The following CLDN14 variants were observed in gnomAD, a reference collection of about 807,000 sequenced individuals.
CLDN14 encodes the protein claudin-14.
CLDN14 carries 2 observed loss-of-function variants against 2.1 expected under a neutral mutation model. The observed-to-expected ratio is 0.96, with a 90% CI of 0.39 to 3.01. The LOEUF is 3.01. CLDN14 is among the 30% of genes most tolerant of loss of function. CLDN14 has a pLI of 0.09. For missense variants in CLDN14, 298 were observed against 328.0 expected (o/e 0.91, Z 0.71); for synonymous variants, 136 against 154.4 (o/e 0.88, Z 0.88).
chr21:36,485,735 G>T, intron 2 of CLDN14: 1 of 263,692 alleles, frequency 3.8e-6, no homozygotes, highest in Non-Finnish European at 7.2e-6. Flanking sequence ...AGACAGTAAA[G>T]GCAAACCAAG....
intron 1 of CLDN14, among the ~76,000 whole-genome samples, chr21:36,564,648 C>T (rs382937): frequency 0.75 from 114,187 of 152,092 alleles, 44,310 homozygotes; most frequent in Non-Finnish European, 0.87. Context: ...CCACCAAAGA[C>T]GCCCATGCCC....
intron 1 of CLDN14, among the ~76,000 whole-genome samples, chr21:36,467,612 T>C (rs906741942): frequency 6.7e-6 from 1 of 150,272 alleles, no homozygotes; most frequent in Non-Finnish European, 1.5e-5. Context: ...AAGGCGGTGG[T>C]GGGGGGTGTC....
At chr21:36,522,018 T>C (rs1192105705) in intron 1 of CLDN14, among the ~76,000 whole-genome samples, 2 of 152,204 alleles carry the variant, frequency 1.3e-5, no homozygotes, top group Non-Finnish European at 2.9e-5. Context: ...ATCAAGTTAT[T>C]ACCTGAAGTT....
chr21:36,507,370 G>T (rs781518491), intron 2 of CLDN14, among the ~76,000 whole-genome samples: 2 of 152,176 alleles, frequency 1.3e-5, no homozygotes, highest in Non-Finnish European at 2.9e-5. Context: ...AGGGATTGTG[G>T]CCATCACCAG....
chr21:36,508,703 G>A (rs59097582), intron 2 of CLDN14, among the ~76,000 whole-genome samples: 7,144 of 152,248 alleles, frequency 0.047, 565 homozygotes, highest in African/African-American at 0.16. Context: ...AGAAACCACC[G>A]AGGTTTCTGT....
chr21:36,473,192 T>A (rs1465347603), intron 1 of CLDN14, among the ~76,000 whole-genome samples: 1 of 152,146 alleles, frequency 6.6e-6, no homozygotes, highest in Non-Finnish European at 1.5e-5. Context: ...CAAGTGATCC[T>A]CCCACCTCAG....
intron 1 of CLDN14, among the ~76,000 whole-genome samples, chr21:36,524,905 G>A (rs2087311486): frequency 1.3e-5 from 2 of 152,196 alleles, no homozygotes; most frequent in Non-Finnish European, 2.9e-5. Context: ...GTGGATGCAA[G>A]GCATGGGTGC....
At chr21:36,533,975 G>A (rs2087403782) in intron 1 of CLDN14, among the ~76,000 whole-genome samples, 1 of 152,216 alleles carries the variant, frequency 6.6e-6, no homozygotes, top group South Asian at 2.1e-4. Context: ...ACCTGCACAT[G>A]TACCCCTGAA....
chr21:36,568,090 C>G (rs1313589353), intron 1 of CLDN14, among the ~76,000 whole-genome samples: 4 of 152,060 alleles, frequency 2.6e-5, no homozygotes, highest in Admixed American at 6.5e-5. Context: ...GGCCCTAGAG[C>G]TGAATATTAA....
At chr21:36,502,584 G>A (rs34241595) in intron 2 of CLDN14, among the ~76,000 whole-genome samples, 2 of 152,314 alleles carry the variant, frequency 1.3e-5, no homozygotes, top group East Asian at 3.9e-4. Flanking sequence ...CACTTCATCA[G>A]CATTCCTGAT....
At position 36,571,154 on chromosome 21, in the gene CLDN14, A is replaced by G. The variant is rs9975456; in HGVS notation, c.-220+5257T>C. On this transcript the variant is annotated intron_variant, in intron 1 of 2. Coordinates refer to the CLDN14 transcript ENST00000342108. ...CGTGCCCAGCCTGCATCTCCTTTTT[A>G]CCAAACATTCTAATGACACTGTGTA... Among the ~76,000 whole-genome samples, 283 of 152,234 alleles carry G rather than the reference A, an allele frequency of 1.9e-3. 1 individual carries two copies. The highest frequency in any genetic ancestry group is 6.1e-3 in the African/African-American group (253 of 41,556).
intron 1 of CLDN14, among the ~76,000 whole-genome samples, chr21:36,519,116 A>G (rs1348744380): frequency 6.6e-6 from 1 of 152,226 alleles, no homozygotes; most frequent in African/African-American, 2.4e-5. Flanking sequence ...GGAAGGGGTC[A>G]TCTACATTGG....
chr21:36,475,782 C>G (rs570518980), intron 1 of CLDN14, among the ~76,000 whole-genome samples: 4 of 152,162 alleles, frequency 2.6e-5, no homozygotes, highest in Non-Finnish European at 5.9e-5. Context: ...CAGAGTCTTG[C>G]TCTGTCACCC....
chr21:36,564,027 G>A (rs749015956), intron 1 of CLDN14, among the ~76,000 whole-genome samples: 4 of 152,176 alleles, frequency 2.6e-5, no homozygotes, highest in East Asian at 3.9e-4. Flanking sequence ...AAATCTGGCC[G>A]CCCTACTCCC....
At chr21:36,521,726 C>T (rs998393368) in intron 1 of CLDN14, among the ~76,000 whole-genome samples, 1 of 152,140 alleles carries the variant, frequency 6.6e-6, no homozygotes, top group African/African-American at 2.4e-5. Flanking sequence ...CTGGAGAAGG[C>T]AAATGGTACC....
chr21:36,487,638 G>A (rs2086911650), intron 2 of CLDN14: 2 of 152,158 alleles, frequency 1.3e-5, no homozygotes, highest in Admixed American at 1.3e-4. Context: ...CTGAAGCTAG[G>A]TACACCTTAG....
At chr21:36,575,350 T>G (rs952408729) in intron 1 of CLDN14, among the ~76,000 whole-genome samples, 1 of 152,198 alleles carries the variant, frequency 6.6e-6, no homozygotes, top group South Asian at 2.1e-4. Context: ...ATCATTTACT[T>G]ATATTAGCTG....
At chr21:36,488,147 C>A (rs2086916362) in intron 2 of CLDN14, among the ~76,000 whole-genome samples, 1 of 152,176 alleles carries the variant, frequency 6.6e-6, no homozygotes, top group Admixed American at 6.5e-5. Flanking sequence ...ACACATGCTC[C>A]AACACGGCTG....
chr21:36,576,417 G>T (rs1436225442), exon 1 of CLDN14: 1 of 152,272 alleles, frequency 6.6e-6, no homozygotes, highest in African/African-American at 2.4e-5. Context: ...TCACCGTGCT[G>T]CTGTGTCCTC....
Sources: gnomAD v4.1 joint callset for allele counts (sites outside exome capture counted in the v4.1 genomes callset) on GRCh38, gnomAD v4.1.1 for gene constraint, MANE v1.5 for transcripts, NCBI Gene and HGNC (gene_info 2026-07-23, HGNC 2026-07-21) for gene names.